Variants in MASP1 observed in about 807,000 individuals in gnomAD.
MASP1 encodes mannan-binding lectin serine protease 1.
In MASP1, 59 loss-of-function variants were observed where a neutral mutation model predicts 77.1. The observed-to-expected ratio is 0.77, with a 90% CI of 0.62 to 0.95. The LOEUF is 0.95. Ranked by LOEUF, MASP1 falls within the 40% of genes least tolerant of loss-of-function variation. MASP1 has a pLI of 0.00. For missense variants in MASP1, 885 were observed against 912.9 expected (o/e 0.97, Z 0.39); for synonymous variants, 362 against 354.5 (o/e 1.02, Z -0.24).
intron 2 of MASP1, among the ~76,000 whole-genome samples, chr3:187,277,180 C>T (rs1717034844): frequency 6.6e-6 from 1 of 152,156 alleles, no homozygotes; most frequent in Admixed American, 6.5e-5. Context: ...CTTGCCCAAG[C>T]TCTCAGCAGG....
chr3:187,245,591 G>A (rs1037260219), intron 8 of MASP1, among the ~76,000 whole-genome samples: 1 of 152,104 alleles, frequency 6.6e-6, no homozygotes, highest in Non-Finnish European at 1.5e-5. Context: ...ACAGTGGCAG[G>A]GAAAAAGCCA....
intron 2 of MASP1, among the ~76,000 whole-genome samples, chr3:187,284,094 A>G (rs1247393328): frequency 1.3e-5 from 2 of 152,210 alleles, no homozygotes; most frequent in African/African-American, 4.8e-5. Flanking sequence ...CTAGATTACC[A>G]ATCCGCGTTG....
rs1713193648 is a variant in MASP1 at position 187,236,473 on chromosome 3, C to A, written c.1398G>T (p.Leu466=). ...CTCTCGAAGTGTCCTCCACCACTATCAGGGCCTGCCACGGGAAGAGGCCAG... is the reference window on the plus strand; with the variant it reads ...CTCTCGAAGTGTCCTCCACCACTATAAGGGCCTGCCACGGGAAGAGGCCAG... The part of the protein sequence containing the change: ...AEPGLFPWQA[L]IVVEDTSRVP... The change falls in exon 11 of 11, where the codon CTG becomes CTT. Residue 466 remains leucine, a synonymous_variant. Coordinates refer to ENST00000296280, the MANE Select transcript of MASP1 (RefSeq NM_139125.4). 1 of 1,614,072 alleles carries A rather than the reference C, an allele frequency of 6.2e-7. No homozygotes were observed. The highest frequency in any genetic ancestry group is 8.5e-7 in the Non-Finnish European group (1 of 1,180,012).
chr3:187,282,444 C>T (rs1717500358), intron 2 of MASP1, among the ~76,000 whole-genome samples: 1 of 149,940 alleles, frequency 6.7e-6, no homozygotes, highest in Non-Finnish European at 1.5e-5. Flanking sequence ...TTGCACTGAG[C>T]CGAGATCCCG....
intron 10 of MASP1, among the ~76,000 whole-genome samples, chr3:187,237,151 CA>C (rs1713253812): frequency 6.6e-6 from 1 of 152,172 alleles, no homozygotes; most frequent in South Asian, 2.1e-4. Context: ...CTCTGGATTT[CA>C]ATTTTTGATC....
intron 7 of MASP1, among the ~76,000 whole-genome samples, chr3:187,251,159 C>T (rs1714551592): frequency 6.6e-6 from 1 of 152,108 alleles, no homozygotes; most frequent in South Asian, 2.1e-4. Flanking sequence ...AGGGTTTTGC[C>T]ATATTTGCCA....
At position 187,263,113 on chromosome 3, in the gene MASP1, G is replaced by A. The variant is rs1362474031; in HGVS notation, c.238-393C>T. On this transcript the variant is annotated intron_variant, in intron 2 of 10. Coordinates refer to ENST00000296280, the MANE Select transcript of MASP1 (RefSeq NM_139125.4). ...GTATACACAATATAAGTCATTCATT[G>A]AGTATCCAGTGTGTGCCTACTGCCG... is the stretch of plus-strand genomic sequence containing the variant. The A allele has an allele frequency of 2.0e-4, 52 of 262,022 alleles. No homozygotes were observed. The Admixed American group carries it at 2.7e-3, about 13-fold the overall frequency. 16.2% of individuals were successfully genotyped at this position (262,022 alleles called of 1,614,324 possible).
chr3:187,221,090 A>G lies in MASP1; in HGVS notation c.1854T>C (p.Tyr618=), dbSNP rs529837175. The G allele has an allele frequency of 8.1e-6, 13 of 1,614,188 alleles. No individual in the cohort carries two copies. The Admixed American group carries it at 1.7e-4, about 21-fold the overall frequency. ...TGGTCACTTTCTTCTTCAGCGGGGCATAAGCCTTCTGGCAGGTGCTGTGGT... is the reference window on the plus strand; with the variant it reads ...TGGTCACTTTCTTCTTCAGCGGGGCGTAAGCCTTCTGGCAGGTGCTGTGGT... The change falls in exon 15 of 16, where the codon TAT becomes TAC. Residue 618 remains tyrosine, a synonymous_variant. Coordinates refer to the MASP1 transcript ENST00000337774.
At chr3:187,246,341 G>A (rs1225250433) in intron 8 of MASP1, 2 of 975,378 alleles carry the variant, frequency 2.1e-6, no homozygotes, top group Non-Finnish European at 2.4e-6. Flanking sequence ...CACTGAGTAT[G>A]AATGCTGTTA....
rs1478641462 is a variant in MASP1 at position 187,220,982 on chromosome 3, G to T, written c.1909+53C>A. The T allele has an allele frequency of 2.7e-6, 4 of 1,483,766 alleles. No individual in the cohort carries two copies. The Admixed American group carries it at 6.7e-5, about 25-fold the overall frequency. 91.9% of individuals were successfully genotyped at this position (1,483,766 alleles called of 1,614,324 possible). A position where few individuals can be genotyped will look rare whatever the true frequency, so the allele number is the denominator to read the frequency against. On this transcript the variant is annotated intron_variant, in intron 15 of 15. Coordinates refer to the MASP1 transcript ENST00000337774. ...GCCTCTGTGCTCCCTTGCTGGCTCT[G>T]CACCACTCCCTGGCTGGCAGCGCCC... is the stretch of plus-strand genomic sequence containing the variant.
exon 13 of MASP1, chr3:187,225,496 C>A (rs751553681): frequency 3.7e-6 from 6 of 1,614,106 alleles, no homozygotes; most frequent in Non-Finnish European, 4.2e-6. Flanking sequence ...CTGACCGGAG[C>A]CTCCAATGCT....
chr3:187,268,098 C>T (rs1716193773), intron 2 of MASP1, among the ~76,000 whole-genome samples: 2 of 152,182 alleles, frequency 1.3e-5, no homozygotes, highest in African/African-American at 4.8e-5. Context: ...AGTGAAGAGA[C>T]TGCTATAGGA....
At chr3:187,287,565 C>T (rs1431544407) in intron 1 of MASP1, among the ~76,000 whole-genome samples, 1 of 152,162 alleles carries the variant, frequency 6.6e-6, no homozygotes, top group Non-Finnish European at 1.5e-5. Flanking sequence ...AACTAGTCTC[C>T]CTGAGCCCCA....
At chr3:187,265,236 C>G (rs1001789692) in intron 2 of MASP1, among the ~76,000 whole-genome samples, 6 of 152,076 alleles carry the variant, frequency 3.9e-5, no homozygotes, top group Admixed American at 2.6e-4. Context: ...ATTAATAGTT[C>G]CAGCTACACA....
At chr3:187,278,201 C>G (rs1717115898) in intron 2 of MASP1, among the ~76,000 whole-genome samples, 1 of 152,166 alleles carries the variant, frequency 6.6e-6, no homozygotes, top group African/African-American at 2.4e-5. Context: ...AGCAACTGCT[C>G]CAGTAAGAAG....
At chr3:187,281,194 T>C (rs976106631) in intron 2 of MASP1, among the ~76,000 whole-genome samples, 3 of 152,236 alleles carry the variant, frequency 2.0e-5, no homozygotes, top group African/African-American at 7.2e-5. Flanking sequence ...TGCATGAGTC[T>C]TGAAGACCAA....
At chr3:187,241,253 C>T (rs1005419050) in intron 10 of MASP1, among the ~76,000 whole-genome samples, 1 of 152,138 alleles carries the variant, frequency 6.6e-6, no homozygotes, top group Non-Finnish European at 1.5e-5. Flanking sequence ...GGCACAGAGA[C>T]GGGACAGGAG....
chr3:187,289,959 C>T (rs75229246), intron 1 of MASP1, among the ~76,000 whole-genome samples: 1 of 152,172 alleles, frequency 6.6e-6, no homozygotes, highest in South Asian at 2.1e-4. Flanking sequence ...TGAGACAAGA[C>T]CTGCTGGAGA....
intron 2 of MASP1, among the ~76,000 whole-genome samples, chr3:187,274,869 G>C (rs1716831723): frequency 2.6e-5 from 4 of 151,984 alleles, no homozygotes; most frequent in Admixed American, 1.3e-4. Context: ...AGAAGAAAGA[G>C]CTGGCAGGGG....
Sources: allele counts gnomAD v4.1 joint callset (sites outside exome capture counted in the v4.1 genomes callset), GRCh38; gene constraint gnomAD v4.1.1; transcripts MANE v1.5; gene names NCBI Gene and HGNC (gene_info 2026-07-23, HGNC 2026-07-21).